Variants in ZBTB40 observed in about 807,000 individuals in gnomAD.
ZBTB40 encodes zinc finger and BTB domain containing 40, also known as zinc finger and BTB domain-containing protein 40.
In ZBTB40, 60 loss-of-function variants were observed where a neutral mutation model predicts 117.5. That is an observed-to-expected ratio of 0.51 (90% CI 0.41 to 0.63). ZBTB40 has a LOEUF of 0.63. Among genes scored for constraint, ZBTB40 ranks in the 30% least tolerant of loss-of-function variants. ZBTB40 has a pLI of 0.00. For missense variants in ZBTB40, 1,287 were observed against 1,498.5 expected (o/e 0.86, Z 2.33); for synonymous variants, 525 against 577.1 (o/e 0.91, Z 1.29).
chr1:22,491,019 C>G (rs1394849871), intron 2 of ZBTB40, among the ~76,000 whole-genome samples: 1 of 152,214 alleles, frequency 6.6e-6, no homozygotes, highest in African/African-American at 2.4e-5. Flanking sequence ...CCTCAGCCTC[C>G]TGAGTAGCTG....
chr1:22,491,537 G>C lies in ZBTB40; in HGVS notation c.831+4G>C. On this transcript the variant is annotated splice_donor_region_variant and intron_variant, in intron 3 of 17. Coordinates refer to ENST00000375647, the MANE Select transcript of ZBTB40 (RefSeq NM_014870.4). The stretch of plus-strand genomic sequence containing the variant: ...AATTAAAGGTCCACAGAAGGAGGTA[G>C]GCACCTCTGACTTTTGTACTTGTTT... 3 of 1,613,820 alleles carry C rather than the reference G, an allele frequency of 1.9e-6. No homozygotes were observed. The highest frequency in any genetic ancestry group is 1.7e-6 in the Non-Finnish European group (2 of 1,179,856).
intron 3 of ZBTB40, among the ~76,000 whole-genome samples, chr1:22,499,310 C>T (rs1225828934): frequency 1.3e-5 from 2 of 152,200 alleles, no homozygotes; most frequent in Non-Finnish European, 2.9e-5. Context: ...AGATGGAAGT[C>T]AAACTAGCCT....
chr1:22,515,211 G>A (rs993334499), intron 12 of ZBTB40, among the ~76,000 whole-genome samples: 1 of 152,182 alleles, frequency 6.6e-6, no homozygotes, highest in Non-Finnish European at 1.5e-5. Flanking sequence ...AGCTTTACCT[G>A]CATGAGAGAC....
chr1:22,509,387 C>T (rs1400695355), intron 9 of ZBTB40, among the ~76,000 whole-genome samples, 154 bp downstream of exon 9: 1 of 152,096 alleles, frequency 6.6e-6, no homozygotes, highest in African/African-American at 2.4e-5. Context: ...TGCTCTGTCG[C>T]CCAGGCTGCA....
chr1:22,524,759 A>C (rs1639632270), intron 17 of ZBTB40, among the ~76,000 whole-genome samples: 1 of 152,220 alleles, frequency 6.6e-6, no homozygotes, highest in Non-Finnish European at 1.5e-5. Flanking sequence ...TCGGAGACAG[A>C]GGAACACTTT....
At chr1:22,472,132 A>G (rs1171449659) in intron 1 of ZBTB40, among the ~76,000 whole-genome samples, 2 of 151,504 alleles carry the variant, frequency 1.3e-5, no homozygotes, top group Non-Finnish European at 2.9e-5. Context: ...GTGGTAGGCC[A>G]TTTGAGGCCC....
chr1:22,502,400 G>T lies in ZBTB40; in HGVS notation c.1126G>T (p.Glu376Ter). Residue 376 changes from glutamate to a stop codon, truncating the protein, a stop_gained, in exon 5 of 18, where the codon GAA (glutamate) becomes TAA (stop). Coordinates refer to ENST00000375647, the MANE Select transcript of ZBTB40 (RefSeq NM_014870.4). LOFTEE classifies it high-confidence loss of function. ...TQLRPIMESL[E>*]TAKEEFLTGT... ...GCTGAGACCTATTATGGAGTCCCTG[G>T]AAACAGCCAAGGAGGAATTCCTGAC... The T allele has an allele frequency of 1.2e-6, 2 of 1,614,078 alleles. No homozygotes were observed. Among genetic ancestry groups the T allele is most frequent in the Non-Finnish European group, 1.7e-6 (2 of 1,179,982 alleles).
intron 1 of ZBTB40, among the ~76,000 whole-genome samples, chr1:22,458,786 T>G (rs985993461): frequency 5.9e-5 from 9 of 152,326 alleles, no homozygotes; most frequent in Admixed American, 4.6e-4. Flanking sequence ...AGATGGGGTT[T>G]CACCATGTTG....
Position 22,470,612 on chromosome 1 carries a change from C to T in ZBTB40, c.-70+18608C>T, listed in dbSNP as rs555137007. Among the ~76,000 whole-genome samples the T allele has an allele frequency of 1.4e-4, 21 of 152,276 alleles. No homozygotes were observed. The South Asian group carries it at 3.9e-3, about 29-fold the overall frequency. ...TGGTCAGGGCCAGTAGGAGGGTACT[C>T]TGAGAGAAAGAGACTGAAAAATTAG... On this transcript the variant is annotated intron_variant, in intron 1 of 17. Transcript: ENST00000375647.
chr1:22,453,893 G>C (rs1640942582), intron 1 of ZBTB40, among the ~76,000 whole-genome samples: 1 of 152,132 alleles, frequency 6.6e-6, no homozygotes, highest in Non-Finnish European at 1.5e-5. Context: ...GGTGTTTGCA[G>C]GTAAATACCA....
intron 3 of ZBTB40, 33 bp downstream of exon 3, chr1:22,491,566 A>G (rs1421592286): frequency 6.2e-7 from 1 of 1,611,454 alleles, no homozygotes; most frequent in African/African-American, 1.3e-5. Flanking sequence ...CTTGTTTGCT[A>G]GTTTAGTGTT....
chr1:22,514,553 C>A (rs763032025), intron 12 of ZBTB40, among the ~76,000 whole-genome samples: 4 of 152,132 alleles, frequency 2.6e-5, no homozygotes, highest in Non-Finnish European at 5.9e-5. Context: ...TTGCTGGGGA[C>A]GCTTCCCATC....
chr1:22,524,074 C>T (rs1056229760), intron 16 of ZBTB40, 144 bp from the exon 17 acceptor site: 5 of 781,628 alleles, frequency 6.4e-6, no homozygotes, highest in African/African-American at 5.1e-5. Flanking sequence ...GATTGAATAA[C>T]GTTCGTGTCC....
At chr1:22,458,023 G>T (rs1641042599) in intron 1 of ZBTB40, among the ~76,000 whole-genome samples, 2 of 152,218 alleles carry the variant, frequency 1.3e-5, no homozygotes, top group South Asian at 4.1e-4. Flanking sequence ...GTTGCCAAAG[G>T]CAGAAACCTG....
intron 1 of ZBTB40, among the ~76,000 whole-genome samples, chr1:22,467,202 T>C (rs1362649775): frequency 6.6e-6 from 1 of 152,198 alleles, no homozygotes; most frequent in African/African-American, 2.4e-5. Flanking sequence ...CCTGCTACTA[T>C]CATGGATTTC....
chr1:22,513,267 C>G lies in ZBTB40; in HGVS notation c.2668+137C>G. 1 of 918,856 alleles carries G rather than the reference C, an allele frequency of 1.1e-6. No homozygotes were observed. The highest frequency in any genetic ancestry group is 1.7e-6 in the Non-Finnish European group (1 of 589,014). 56.9% of individuals were successfully genotyped at this position (918,856 alleles called of 1,614,324 possible). A position where few individuals can be genotyped will look rare whatever the true frequency, so the allele number is the denominator to read the frequency against. ...ACAGGGTGACTAAAGTCAATAATAA[C>G]TTAATTGTACATTTTAAATACAGTG... On this transcript the variant is annotated intron_variant, in intron 12 of 17. Coordinates refer to ENST00000375647, the MANE Select transcript of ZBTB40 (RefSeq NM_014870.4). The surrounding 1 kb of genome is among the most constrained non-coding windows in gnomAD (Gnocchi z 4.9).
At chr1:22,480,185 C>T (rs755990042) in intron 1 of ZBTB40, among the ~76,000 whole-genome samples, 1 of 152,076 alleles carries the variant, frequency 6.6e-6, no homozygotes, top group African/African-American at 2.4e-5. Flanking sequence ...GGATTACAGG[C>T]GTGAGCCACT....
In ZBTB40 at chr1:22,528,723, A is replaced by G. The variant is rs1639750657; in HGVS notation, c.*2327A>G. The G allele has an allele frequency of 6.8e-6, 1 of 146,418 alleles. No homozygotes were observed. Among genetic ancestry groups the G allele is most frequent in the Admixed American group, 6.8e-5 (1 of 14,620 alleles). The allele number at this position is 146,418 out of a possible 1,614,324, so 9.1% of individuals were successfully genotyped here. A position where few individuals can be genotyped will look rare whatever the true frequency, so the allele number is the denominator to read the frequency against. Reference sequence around the variant, plus strand: ...TGTATTTTTTTTTTTTTTTGTAGAGACAGGGTCTCGCCATGTTGCCCAGGC... The same window carrying G: ...TGTATTTTTTTTTTTTTTTGTAGAGGCAGGGTCTCGCCATGTTGCCCAGGC... On this transcript the variant is annotated 3_prime_UTR_variant, in exon 18 of 18. Transcript: ENST00000375647.
At chr1:22,433,081 C>T (rs1458440199) in intron 1 of ZBTB40, among the ~76,000 whole-genome samples, 1 of 152,052 alleles carries the variant, frequency 6.6e-6, no homozygotes, top group Non-Finnish European at 1.5e-5. Context: ...TGGATTCAAC[C>T]AACACCAGAT....
Sources: gnomAD v4.1 joint callset for allele counts (sites outside exome capture counted in the v4.1 genomes callset) on GRCh38, gnomAD v4.1.1 for gene constraint, Gnocchi (gnomAD v3.1) non-coding constraint, MANE v1.5 for transcripts, NCBI Gene and HGNC (gene_info 2026-07-23, HGNC 2026-07-21) for gene names.